SLC22A9: variants seen among roughly 807,000 people sequenced by gnomAD.
The protein encoded by SLC22A9 is solute carrier family 22 member 9.
SLC22A9 carries 64 observed loss-of-function variants against 50.1 expected under a neutral mutation model. The observed-to-expected ratio is 1.28, with a 90% CI of 1.04 to 1.57. The LOEUF is 1.57. SLC22A9 is among the 40% of genes most tolerant of loss of function. SLC22A9 has a pLI of 0.00. For missense variants in SLC22A9, 757 were observed against 676.1 expected (o/e 1.12, Z -1.33); for synonymous variants, 261 against 242.5 (o/e 1.08, Z -0.71).
chr11:63,372,416 G>C (rs2014378489), intron 2 of SLC22A9, among the ~76,000 whole-genome samples: 1 of 152,084 alleles, frequency 6.6e-6, no homozygotes, highest in South Asian at 2.1e-4. Flanking sequence ...ATAAAGTACT[G>C]TCTGCAATAA....
intron 5 of SLC22A9, among the ~76,000 whole-genome samples, chr11:63,377,034 G>A (rs114423185): frequency 1.0e-3 from 157 of 152,154 alleles, no homozygotes; most frequent in African/African-American, 3.6e-3. Flanking sequence ...ACTGGAGCAC[G>A]AAGATTCATA....
chr11:63,391,677 A>G (rs2014766395), intron 6 of SLC22A9, among the ~76,000 whole-genome samples: 2 of 151,070 alleles, frequency 1.3e-5, no homozygotes, highest in Non-Finnish European at 3.0e-5. Flanking sequence ...CCATCCCTTT[A>G]TTTTCAGTCT....
intron 6 of SLC22A9, among the ~76,000 whole-genome samples, chr11:63,399,986 A>G (rs1370192194): frequency 1.3e-5 from 2 of 152,130 alleles, no homozygotes; most frequent in African/African-American, 2.4e-5. Flanking sequence ...CTTGAACCAA[A>G]TGAAAATGGA....
intron 2 of SLC22A9, among the ~76,000 whole-genome samples, chr11:63,372,631 T>G (rs1443166724): frequency 6.6e-6 from 1 of 152,168 alleles, no homozygotes; most frequent in African/African-American, 2.4e-5. Flanking sequence ...ATTTTTTAAA[T>G]ACTGAATTTT....
At chr11:63,389,527 C>T (rs2014726380) in intron 6 of SLC22A9, among the ~76,000 whole-genome samples, 1 of 152,184 alleles carries the variant, frequency 6.6e-6, no homozygotes, top group Admixed American at 6.5e-5. Context: ...ATTTTTATGG[C>T]TGCATGGTAT....
chr11:63,382,232 A>G lies in SLC22A9; in HGVS notation c.1028A>G (p.His343Arg), dbSNP rs1349287263. Residue 343 changes from histidine to arginine, a missense_variant, in exon 6 of 10, where the codon CAC becomes CGC. By Grantham distance (29) the His-to-Arg change is conservative. Coordinates refer to ENST00000279178, the MANE Select transcript of SLC22A9 (RefSeq NM_080866.3). Reference protein sequence around the residue: ...KKKPSLCEMLHMPNICKRISL... With the variant: ...KKKPSLCEMLRMPNICKRISL... ...AAACCTTCTCTGTGTGAAATGCTCC[A>G]CATGCCCAACATATGTAAAAGGATC... is the stretch of plus-strand genomic sequence containing the variant. The G allele has an allele frequency of 1.9e-6, 3 of 1,609,360 alleles. No individual in the cohort carries two copies. Among genetic ancestry groups the G allele is most frequent in the Non-Finnish European group, 2.5e-6 (3 of 1,178,628 alleles).
At chr11:63,386,777 T>C (rs1056765506) in intron 6 of SLC22A9, among the ~76,000 whole-genome samples, 4 of 151,864 alleles carry the variant, frequency 2.6e-5, no homozygotes, top group African/African-American at 9.7e-5. Context: ...AAATCTAGCC[T>C]CTAGATTCAT....
rs759383858 is a variant in SLC22A9, at chr11:63,410,141, CT to C, written c.*280del. 5 of 207,052 alleles carry C rather than the reference CT, an allele frequency of 2.4e-5. No homozygotes were observed. The highest frequency in any genetic ancestry group is 3.8e-5 in the Non-Finnish European group (4 of 105,140). The allele number at this position is 207,052 out of a possible 1,614,324, so 12.8% of individuals were successfully genotyped here. ...CCTTTAATTCCAGCTACTTGGGAGGCTGAGGCAGGAGAATTACTTGAACCCA... is the reference window on the plus strand; with the variant it reads ...CCTTTAATTCCAGCTACTTGGGAGGCGAGGCAGGAGAATTACTTGAACCCA... On this transcript the variant is annotated 3_prime_UTR_variant, in exon 10 of 10. Coordinates refer to ENST00000279178, the MANE Select transcript of SLC22A9 (RefSeq NM_080866.3).
intron 6 of SLC22A9, 29 bp downstream of exon 6, chr11:63,382,306 G>C: frequency 8.6e-6 from 13 of 1,516,084 alleles, no homozygotes; most frequent in Non-Finnish European, 1.2e-5. Context: ...TTGAGGGTAA[G>C]TTACAGTACT....
chr11:63,399,598 T>C (rs1591026165), intron 6 of SLC22A9, among the ~76,000 whole-genome samples: 2 of 152,192 alleles, frequency 1.3e-5, no homozygotes, highest in Middle Eastern at 3.4e-3. Context: ...ACAAAAATAG[T>C]TGAGAATTTC....
At chr11:63,378,828 A>G (rs57518967) in intron 5 of SLC22A9, among the ~76,000 whole-genome samples, 10,127 of 152,054 alleles carry the variant, frequency 0.067, 1,130 homozygotes, top group African/African-American at 0.23. Context: ...CAAGAGTTCT[A>G]CAATGAGAAC....
At position 63,408,737 on chromosome 11, in the gene SLC22A9, A is replaced by C. The variant is rs555341667; in HGVS notation, c.1459A>C (p.Met487Leu). ...TATAGCAGGAGCCCTGGCTCCCCTC[A>C]TGATGATCCTAAGTGTGTATTCTCC... ...ANIAGALAPL[M>L]MILSVYSPPL... Residue 487 changes from methionine (M) to leucine (L), a missense_variant, in exon 9 of 10, where the codon ATG (methionine) becomes CTG (leucine). Coordinates refer to ENST00000279178, the MANE Select transcript of SLC22A9 (RefSeq NM_080866.3). The C allele has an allele frequency of 1.5e-5, 24 of 1,613,998 alleles. No homozygotes were observed. In the African/African-American group the frequency reaches 3.2e-4, roughly 22 times the overall value.
At chr11:63,385,167 CA>C (rs1177386073) in intron 6 of SLC22A9, among the ~76,000 whole-genome samples, 1 of 122,348 alleles carries the variant, frequency 8.2e-6, no homozygotes, top group African/African-American at 3.0e-5. Flanking sequence ...ATCCTATGGC[CA>C]ATTTTTTTTT....
At chr11:63,379,591 A>G (rs1453515771) in intron 5 of SLC22A9, among the ~76,000 whole-genome samples, 2 of 152,344 alleles carry the variant, frequency 1.3e-5, no homozygotes, top group Admixed American at 1.3e-4. Context: ...GAAAACCTAT[A>G]GAATGGGAGA....
intron 2 of SLC22A9, 26 bp downstream of exon 2, chr11:63,371,264 C>T (rs775512943): frequency 6.7e-7 from 1 of 1,491,698 alleles, no homozygotes; most frequent in Non-Finnish European, 9.3e-7. Context: ...ACACAGCTCT[C>T]TTTAAGGGCA....
At chr11:63,392,346 T>C (rs180750343) in intron 6 of SLC22A9, among the ~76,000 whole-genome samples, 416 of 152,226 alleles carry the variant, frequency 2.7e-3, no homozygotes, top group Non-Finnish European at 4.2e-3. Flanking sequence ...TGCTCATCAA[T>C]GTCATTGTCT....
At position 63,410,106 on chromosome 11, in the gene SLC22A9, G is replaced by A. The variant is rs2015114591; in HGVS notation, c.*244G>A. The A allele has an allele frequency of 2.9e-6, 1 of 339,682 alleles. No individual in the cohort carries two copies. Among genetic ancestry groups the A allele is most frequent in the East Asian group, 6.0e-5 (1 of 16,536 alleles). The allele number at this position is 339,682 out of a possible 1,614,324, so 21.0% of individuals were successfully genotyped here. ...CAAATACAAAACTTCGCTGGGCACA[G>A]TGGCACAGGCCTTTAATTCCAGCTA... On this transcript the variant is annotated 3_prime_UTR_variant, in exon 10 of 10. Coordinates refer to ENST00000279178, the MANE Select transcript of SLC22A9 (RefSeq NM_080866.3).
Position 63,370,347 on chromosome 11 carries a change from G to A in SLC22A9, c.291G>A (p.Gln97=), listed in dbSNP as rs374893188. 2 of 1,613,990 alleles carry A rather than the reference G, an allele frequency of 1.2e-6. No homozygotes were observed. The highest frequency in any genetic ancestry group is 1.7e-6 in the Non-Finnish European group (2 of 1,179,888). ...GTCGCTTTGTTCATCCTCAGTGGCA[G>A]CTCCTTCACCTGAATGGGACCTTCC... is the stretch of plus-strand genomic sequence containing the variant. ...KCRRFVHPQW[Q]LLHLNGTFPN... The change falls in exon 1 of 10, where the codon CAG becomes CAA. Residue 97 remains glutamine, a synonymous_variant. Coordinates refer to ENST00000279178, the MANE Select transcript of SLC22A9 (RefSeq NM_080866.3).
intron 9 of SLC22A9, among the ~76,000 whole-genome samples, chr11:63,409,161 C>T (rs1398919604): frequency 1.3e-5 from 2 of 152,238 alleles, no homozygotes; most frequent in South Asian, 4.1e-4. Flanking sequence ...CCCTCCCTGC[C>T]CTAGTGTGAT....
Sources: gnomAD v4.1 joint callset for allele counts (sites outside exome capture counted in the v4.1 genomes callset) on GRCh38, gnomAD v4.1.1 for gene constraint, MANE v1.5 for transcripts, NCBI Gene and HGNC (gene_info 2026-07-23, HGNC 2026-07-21) for gene names.